ACTR3C: variants seen among roughly 807,000 people sequenced by gnomAD.
ACTR3C encodes actin related protein 3C, also known as actin-related protein 3C.
A neutral mutation model predicts 26.3 loss-of-function variants in ACTR3C; 18 were observed. The ratio of observed to expected loss-of-function variants is 0.68; its 90% CI spans 0.47 to 1.01. The LOEUF is 1.01. Ranked by LOEUF, ACTR3C falls within the 50% of genes least tolerant of loss-of-function variation. The pLI, the probability that ACTR3C is intolerant of heterozygous loss-of-function variation, is 0.00. For missense variants in ACTR3C, 184 were observed against 250.7 expected (o/e 0.73, Z 1.80); for synonymous variants, 55 against 94.5 (o/e 0.58, Z 2.42).
chr7:150,191,354 A>G, the ACTR3C span, among the ~76,000 whole-genome samples: 2 of 152,298 alleles, frequency 1.3e-5, no homozygotes, highest in South Asian at 2.1e-4. Flanking sequence ...AGAAAACAGT[A>G]TATTCCCCCA....
At chr7:150,271,417 C>T (rs1202001810) in intron 6 of ACTR3C, among the ~76,000 whole-genome samples, 28 of 151,286 alleles carry the variant, frequency 1.9e-4, no homozygotes, top group Middle Eastern at 3.2e-3. Flanking sequence ...CTCCCACTTA[C>T]GAGTGAGAAC....
the ACTR3C span, among the ~76,000 whole-genome samples, chr7:149,905,721 A>G: frequency 5.3e-5 from 8 of 151,896 alleles, no homozygotes; most frequent in Non-Finnish European, 7.4e-5. Context: ...TCTGAGAAAT[A>G]GAAATTTTTT....
At chr7:150,029,791 C>T in the ACTR3C span, among the ~76,000 whole-genome samples, 5 of 152,054 alleles carry the variant, frequency 3.3e-5, no homozygotes, top group Admixed American at 1.3e-4. Context: ...CTTTGCCCCA[C>T]ATGCACGAGT....
the ACTR3C span, among the ~76,000 whole-genome samples, chr7:150,009,953 C>A: frequency 9.2e-5 from 14 of 152,372 alleles, no homozygotes; most frequent in South Asian, 2.9e-3. Context: ...AAGCACAGTT[C>A]AGCTCCCATT....
the ACTR3C span, among the ~76,000 whole-genome samples, chr7:150,033,981 C>T: frequency 1.5e-5 from 1 of 67,418 alleles, no homozygotes; most frequent in South Asian, 4.9e-4. Context: ...CGTTCGCAGT[C>T]CCCGCCTCGG....
chr7:150,208,282 G>A, the ACTR3C span, among the ~76,000 whole-genome samples: 1 of 152,142 alleles, frequency 6.6e-6, no homozygotes, highest in Admixed American at 6.5e-5. Flanking sequence ...TCTGAAAGAG[G>A]AGCAAGCAAC....
At chr7:150,029,420 AAC>A in the ACTR3C span, among the ~76,000 whole-genome samples, 9 of 78,966 alleles carry the variant, frequency 1.1e-4, no homozygotes, top group South Asian at 9.3e-4. Context: ...AAAAAAAACA[AAC>A]AAAAAAAAAC....
At chr7:150,036,026 A>C in the ACTR3C span, among the ~76,000 whole-genome samples, 10 of 120,138 alleles carry the variant, frequency 8.3e-5, no homozygotes, top group South Asian at 7.3e-4. Context: ...ATGGGGTCCT[A>C]AGAGCAAAGG....
the ACTR3C span, among the ~76,000 whole-genome samples, chr7:150,207,061 A>G: frequency 6.8e-4 from 103 of 152,342 alleles, no homozygotes; most frequent in African/African-American, 2.2e-3. Flanking sequence ...ATAACTGTCT[A>G]TTAAAACCCT....
chr7:150,222,317 C>G, the ACTR3C span, among the ~76,000 whole-genome samples: 5 of 152,258 alleles, frequency 3.3e-5, no homozygotes, highest in East Asian at 9.7e-4. Context: ...CATCCTTGGG[C>G]AAATTATTTC....
At chr7:150,124,620 T>A in the ACTR3C span, among the ~76,000 whole-genome samples, 1 of 152,188 alleles carries the variant, frequency 6.6e-6, no homozygotes, top group African/African-American at 2.4e-5. Flanking sequence ...TGGCTTCTTT[T>A]TCTTTCAATA....
chr7:149,884,431 A>T, the ACTR3C span, among the ~76,000 whole-genome samples: 2 of 152,234 alleles, frequency 1.3e-5, no homozygotes, highest in African/African-American at 4.8e-5. Context: ...CCATGGTGAC[A>T]AAGTGCTCAA....
chr7:150,291,962 C>G (rs1252447253), intron 3 of ACTR3C, among the ~76,000 whole-genome samples: 1 of 151,222 alleles, frequency 6.6e-6, no homozygotes, highest in Non-Finnish European at 1.5e-5. Context: ...GGGAGGCTGG[C>G]TTTTTTCTCC....
At chr7:150,063,330 T>C in the ACTR3C span, among the ~76,000 whole-genome samples, 1 of 151,568 alleles carries the variant, frequency 6.6e-6, no homozygotes, top group South Asian at 2.1e-4. Flanking sequence ...TGGATAAGGC[T>C]GCCATGAGGT....
the ACTR3C span, among the ~76,000 whole-genome samples, chr7:150,145,031 C>G: frequency 7.8e-4 from 109 of 139,644 alleles, 1 homozygote; most frequent in Middle Eastern, 9.3e-3. Context: ...GCCTGGTGGA[C>G]AGTGCGAGAC....
the ACTR3C span, among the ~76,000 whole-genome samples, chr7:150,027,364 G>A: frequency 6.7e-6 from 1 of 149,862 alleles, no homozygotes; most frequent in Non-Finnish European, 1.5e-5. Flanking sequence ...TCCGCCTCCC[G>A]GGTTCACGCC....
At chr7:150,164,899 T>C in the ACTR3C span, among the ~76,000 whole-genome samples, 1 of 152,144 alleles carries the variant, frequency 6.6e-6, no homozygotes, top group African/African-American at 2.4e-5. Flanking sequence ...TCCCCACCAG[T>C]AGGCACAGGT....
At chr7:150,159,404 T>C in the ACTR3C span, among the ~76,000 whole-genome samples, 1 of 152,224 alleles carries the variant, frequency 6.6e-6, no homozygotes, top group African/African-American at 2.4e-5. Flanking sequence ...CAGGATCGAT[T>C]CGTCGTGGAA....
chr7:150,141,919 C>T, the ACTR3C span, among the ~76,000 whole-genome samples: 20,264 of 151,874 alleles, frequency 0.13, 3,953 homozygotes, highest in African/African-American at 0.43. Flanking sequence ...AGGAAACAGG[C>T]CAGATGTTCA....
Sources: gnomAD v4.1 joint callset for allele counts (sites outside exome capture counted in the v4.1 genomes callset) on GRCh38, gnomAD v4.1.1 for gene constraint, MANE v1.5 for transcripts, NCBI Gene and HGNC (gene_info 2026-07-23, HGNC 2026-07-21) for gene names.